Variants in VPS41 observed in about 807,000 individuals in gnomAD.
VPS41 encodes VPS41 subunit of HOPS complex.
Under a neutral mutation model 130.9 loss-of-function variants are expected in VPS41, and 85 were observed. The observed-to-expected ratio is 0.65, with a 90% CI of 0.55 to 0.78. The LOEUF is 0.78. Ranked by LOEUF, VPS41 falls within the 30% of genes least tolerant of loss-of-function variation. The pLI is 0.00. For missense variants in VPS41, 874 were observed against 1,018.7 expected (o/e 0.86, Z 1.93); for synonymous variants, 335 against 332.9 (o/e 1.01, Z -0.07).
chr7:38,870,507 A>G (rs1364255742), intron 2 of VPS41, among the ~76,000 whole-genome samples: 1 of 152,048 alleles, frequency 6.6e-6, no homozygotes, highest in Non-Finnish European at 1.5e-5. Flanking sequence ...ATAACCCCCA[A>G]CATAACTGTC....
At chr7:38,857,773 A>G (rs571557731) in intron 4 of VPS41, among the ~76,000 whole-genome samples, 5 of 152,310 alleles carry the variant, frequency 3.3e-5, no homozygotes, top group African/African-American at 1.2e-4. Flanking sequence ...GGTCCTCAGA[A>G]CATGTGCCCA....
chr7:38,904,046 C>T (rs6976579), intron 1 of VPS41, among the ~76,000 whole-genome samples: 135,547 of 152,194 alleles, frequency 0.89, 60,450 homozygotes, highest in East Asian at 0.99. Context: ...TCTGCACAGA[C>T]TCTGATTCAG....
chr7:38,783,154 G>A (rs1784383645), intron 10 of VPS41, among the ~76,000 whole-genome samples: 2 of 152,140 alleles, frequency 1.3e-5, no homozygotes, highest in African/African-American at 4.8e-5. Context: ...GAGTAACTGA[G>A]TATCAATTAC....
chr7:38,865,187 C>T (rs1273156842), intron 3 of VPS41, among the ~76,000 whole-genome samples: 1 of 152,054 alleles, frequency 6.6e-6, no homozygotes, highest in African/African-American at 2.4e-5. Context: ...TGGAAACAGT[C>T]GATGAGTAGC....
intron 18 of VPS41, 61 bp from the exon 19 acceptor site, chr7:38,757,043 A>T: frequency 1.5e-6 from 2 of 1,301,800 alleles, no homozygotes; most frequent in Non-Finnish European, 2.2e-6. Context: ...ACACACACAG[A>T]GAGATCATGG....
intron 25 of VPS41, among the ~76,000 whole-genome samples, chr7:38,731,713 C>A (rs1795666016): frequency 6.6e-6 from 1 of 152,110 alleles, no homozygotes; most frequent in Non-Finnish European, 1.5e-5. Flanking sequence ...TGGCACTGAG[C>A]ACTGCTGCTC....
chr7:38,872,319 G>C (rs1354855580), intron 2 of VPS41, among the ~76,000 whole-genome samples: 1 of 152,216 alleles, frequency 6.6e-6, no homozygotes, highest in Admixed American at 6.5e-5. Context: ...CCCCATCCAT[G>C]TTTCATATGG....
chr7:38,771,279 T>TAA, intron 13 of VPS41, 25 bp from the exon 14 acceptor site: 5 of 1,446,558 alleles, frequency 3.5e-6, no homozygotes, highest in Non-Finnish European at 4.6e-6. Context: ...TAAGGATGAT[T>TAA]TAAAAAAAAA....
At chr7:38,900,115 G>A (rs988699160) in intron 1 of VPS41, among the ~76,000 whole-genome samples, 4 of 152,118 alleles carry the variant, frequency 2.6e-5, no homozygotes, top group African/African-American at 9.7e-5. Flanking sequence ...GCTAGGTGTG[G>A]TGGCATGCAC....
At chr7:38,861,697 A>G (rs1786117828) in intron 4 of VPS41, among the ~76,000 whole-genome samples, 1 of 152,200 alleles carries the variant, frequency 6.6e-6, no homozygotes, top group Non-Finnish European at 1.5e-5. Context: ...GCTTTCTTCA[A>G]AAAAGTAGTA....
At chr7:38,870,228 G>A (rs1786320687) in intron 2 of VPS41, among the ~76,000 whole-genome samples, 1 of 152,154 alleles carries the variant, frequency 6.6e-6, no homozygotes, top group African/African-American at 2.4e-5. Flanking sequence ...GCAGAGACAT[G>A]AGCTTGTTAC....
rs60847318 is a variant in VPS41, at chr7:38,821,037, T to G, written c.384+166A>C. ...TGAGATCACAGTCACAAAATACACA[T>G]TCTGTCTTCTTTCACAGCATCTAAA... On this transcript the variant is annotated intron_variant, in intron 6 of 28. Transcript: ENST00000310301. Among the ~76,000 whole-genome samples, 11,277 of 152,178 alleles carry G rather than the reference T, an allele frequency of 0.074. 893 individuals carry two copies. The highest frequency in any genetic ancestry group is 0.32 in the East Asian group (1,627 of 5,148).
chr7:38,894,638 C>T (rs983267322), intron 2 of VPS41, among the ~76,000 whole-genome samples: 2 of 152,110 alleles, frequency 1.3e-5, no homozygotes, highest in African/African-American at 4.8e-5. Flanking sequence ...TTCACAGCAA[C>T]CATACAAGGC....
intron 1 of VPS41, among the ~76,000 whole-genome samples, chr7:38,904,021 C>T (rs1447901497): frequency 1.3e-5 from 2 of 152,146 alleles, no homozygotes; most frequent in African/African-American, 2.4e-5. Flanking sequence ...AGCTAATACC[C>T]ACTAACACAC....
In VPS41 at chr7:38,743,035, T is replaced by G. The variant is rs78955557; in HGVS notation, c.2122+367A>C. Among the ~76,000 whole-genome samples, 516 of 151,934 alleles carry G rather than the reference T, an allele frequency of 3.4e-3. 3 individuals are homozygous for G. The highest frequency in any genetic ancestry group is 0.012 in the African/African-American group (497 of 41,432). ...GTTTCCAAAAAAGACTGGTAAGGTC[T>G]ATACACTTAAACTATAAACACTCCC... On this transcript the variant is annotated intron_variant, in intron 24 of 28. Transcript: ENST00000310301.
Position 38,776,738 on chromosome 7 carries a change from C to T in VPS41, c.823G>A (p.Ala275Thr). ...FETEFYISGLAPLCDQLVVLS... is the reference protein window; with the variant it reads ...FETEFYISGLTPLCDQLVVLS... ...ACAACAAGCTGATCACAGAGAGGTG[C>T]AAGTCCACTGATGTAGAATTCAGTT... Residue 275 changes from alanine (A) to threonine (T), a missense_variant, in exon 11 of 29, where the codon GCA becomes ACA. By Grantham distance (58) the Ala-to-Thr change is moderately conservative. Transcript: ENST00000310301. 1 of 1,612,092 alleles carries T rather than the reference C, an allele frequency of 6.2e-7. No homozygotes were observed.
chr7:38,780,187 G>GT lies in VPS41; in HGVS notation c.785-3412dup, dbSNP rs11349359. On this transcript the variant is annotated intron_variant, in intron 10 of 28. Transcript: ENST00000310301. ...CAGGGTGTTTTTTTTTTTGGTTTTT[G>GT]TTTTTTTTTTTTTGGAGTGAAAAAT... 1.4e-3 allele frequency among the ~76,000 whole-genome samples: 182 copies of GT among 134,760 alleles called. 1 individual carries two copies. Among genetic ancestry groups the GT allele is most frequent in the African/African-American group, 2.9e-3 (104 of 36,402 alleles). The allele number at this position is 134,760 out of a possible 152,430, so 88.4% of individuals were successfully genotyped here. A position where few individuals can be genotyped will look rare whatever the true frequency, so the allele number is the denominator to read the frequency against.
chr7:38,840,952 A>G (rs1320494486), intron 4 of VPS41, among the ~76,000 whole-genome samples: 1 of 152,212 alleles, frequency 6.6e-6, no homozygotes, highest in African/African-American at 2.4e-5. Flanking sequence ...CAAGTTTCTC[A>G]GGTGACCTAG....
At chr7:38,823,452 T>C (rs1273558509) in intron 5 of VPS41, among the ~76,000 whole-genome samples, 1 of 152,188 alleles carries the variant, frequency 6.6e-6, no homozygotes, top group Non-Finnish European at 1.5e-5. Context: ...GGTATTTTGT[T>C]ATGGCAACAC....
Sources: gnomAD v4.1 joint callset for allele counts (sites outside exome capture counted in the v4.1 genomes callset) on GRCh38, gnomAD v4.1.1 for gene constraint, MANE v1.5 for transcripts, NCBI Gene and HGNC (gene_info 2026-07-23, HGNC 2026-07-21) for gene names.